The following EHD4 variants were observed in gnomAD, a reference collection of about 807,000 sequenced individuals.
The protein encoded by EHD4 is EH domain-containing protein 4.
Under a neutral mutation model 51.0 loss-of-function variants are expected in EHD4, and 37 were observed. The ratio of observed to expected loss-of-function variants is 0.73; its 90% CI spans 0.56 to 0.95. The LOEUF (loss-of-function observed/expected upper bound fraction) is 0.95. Ranked by LOEUF, EHD4 falls within the 40% of genes least tolerant of loss-of-function variation. EHD4 has a pLI of 0.00. For synonymous variants in EHD4, 297 were observed against 317.3 expected (o/e 0.94, Z 0.68); for missense variants, 632 against 733.1 (o/e 0.86, Z 1.59).
Position 41,938,079 on chromosome 15 carries a change from A to G in EHD4, c.511+4988T>C, listed in dbSNP as rs568255391. 3.3e-5 allele frequency among the ~76,000 whole-genome samples: 5 copies of G among 152,328 alleles called. No homozygotes were observed. The South Asian group carries it at 8.3e-4, about 25-fold the overall frequency. On this transcript the variant is annotated intron_variant, in intron 3 of 5. Transcript: ENST00000220325. ...TTAAAATAATTTTGTGCATGAAACAAAGTTTGGATCGTGCCCCGTCACATG... is the reference window on the plus strand; with the variant it reads ...TTAAAATAATTTTGTGCATGAAACAGAGTTTGGATCGTGCCCCGTCACATG...
intron 4 of EHD4, among the ~76,000 whole-genome samples, chr15:41,913,907 A>C (rs1229599051): frequency 6.6e-6 from 1 of 152,254 alleles, no homozygotes; most frequent in Non-Finnish European, 1.5e-5. Context: ...AAATGGATCA[A>C]AATGACAAAA....
intron 1 of EHD4, among the ~76,000 whole-genome samples, chr15:41,957,161 C>T (rs531886934): frequency 6.6e-6 from 1 of 152,080 alleles, no homozygotes; most frequent in Non-Finnish European, 1.5e-5. Flanking sequence ...GAAACCCCGT[C>T]TCTACAAAAC....
chr15:41,944,518 T>C (rs2067798294), intron 2 of EHD4, among the ~76,000 whole-genome samples: 2 of 152,204 alleles, frequency 1.3e-5, no homozygotes, highest in Admixed American at 6.5e-5. Context: ...GCCTCCACAG[T>C]GCACATGTGG....
rs372129261 is a variant in EHD4, at chr15:41,907,413, A to G, written c.1089+2286T>C. 5.9e-5 allele frequency among the ~76,000 whole-genome samples: 9 copies of G among 152,320 alleles called. 1 individual carries two copies. The South Asian group carries it at 1.9e-3, about 32-fold the overall frequency. ...AGGGAGACTGCTCCTGGAGGCCACA[A>G]CAGCCCTCCAATACCACCTGGTGAC... On this transcript the variant is annotated intron_variant, in intron 5 of 5. Coordinates refer to ENST00000220325, the MANE Select transcript of EHD4 (RefSeq NM_139265.4).
intron 3 of EHD4, among the ~76,000 whole-genome samples, chr15:41,932,282 G>A (rs1438003787): frequency 2.0e-5 from 3 of 152,328 alleles, no homozygotes; most frequent in East Asian, 1.9e-4. Flanking sequence ...AGCGAATCCC[G>A]CCAGGGCTCC....
intron 3 of EHD4, among the ~76,000 whole-genome samples, chr15:41,925,059 C>CA (rs10612546): frequency 1.4e-3 from 196 of 139,846 alleles, no homozygotes; most frequent in African/African-American, 4.2e-3. Flanking sequence ...GACTGTATCT[C>CA]AAAAAAAAAA....
At chr15:41,950,400 G>A (rs2067845185) in intron 2 of EHD4, among the ~76,000 whole-genome samples, 4 of 152,208 alleles carry the variant, frequency 2.6e-5, no homozygotes, top group Admixed American at 2.6e-4. Flanking sequence ...GTGGCTGCTT[G>A]GGAGAGAAAG....
chr15:41,909,341 G>A lies in EHD4; in HGVS notation c.1089+358C>T, dbSNP rs531860191. ...GAGGCAGGTCAGGGCAGGGCTGGAGGAGGCCGCCCAAGGTGACCCTGAAGG... is the reference window on the plus strand; with the variant it reads ...GAGGCAGGTCAGGGCAGGGCTGGAGAAGGCCGCCCAAGGTGACCCTGAAGG... On this transcript the variant is annotated intron_variant, in intron 5 of 5. Transcript: ENST00000220325. 9.1e-4 allele frequency among the ~76,000 whole-genome samples: 139 copies of A among 152,324 alleles called. 2 individuals carry two copies. Among genetic ancestry groups the A allele is most frequent in the Non-Finnish European group, 7.5e-4 (51 of 68,012 alleles).
intron 1 of EHD4, among the ~76,000 whole-genome samples, chr15:41,969,682 A>G (rs1460665408): frequency 6.6e-6 from 1 of 152,170 alleles, no homozygotes; most frequent in Non-Finnish European, 1.5e-5. Flanking sequence ...CAAGTTTTGG[A>G]CACAAGCCTG....
intron 1 of EHD4, 144 bp from the exon 2 acceptor site, chr15:41,954,084 T>C: frequency 1.1e-6 from 1 of 892,424 alleles, no homozygotes; most frequent in Non-Finnish European, 1.7e-6. Context: ...AATCCTCCTC[T>C]GCATTTCTGT....
At chr15:41,932,313 T>G (rs893755622) in intron 3 of EHD4, among the ~76,000 whole-genome samples, 3 of 152,178 alleles carry the variant, frequency 2.0e-5, no homozygotes, top group Non-Finnish European at 4.4e-5. Context: ...GCGGGTGAGC[T>G]GGGAGAAGCC....
At chr15:41,967,375 G>A (rs1336927038) in intron 1 of EHD4, among the ~76,000 whole-genome samples, 1 of 152,168 alleles carries the variant, frequency 6.6e-6, no homozygotes, top group Non-Finnish European at 1.5e-5. Context: ...GTGGCCTGTT[G>A]ACTCTCTTCT....
intron 4 of EHD4, among the ~76,000 whole-genome samples, chr15:41,915,806 A>G (rs946349465): frequency 6.6e-6 from 1 of 152,210 alleles, no homozygotes; most frequent in Non-Finnish European, 1.5e-5. Context: ...TCTTCCAAGA[A>G]GGATGTCTAC....
chr15:41,942,798 A>C, intron 3 of EHD4: 1 of 243,000 alleles, frequency 4.1e-6, no homozygotes, highest in Non-Finnish European at 7.7e-6. Context: ...AGGTCCCCTC[A>C]CACCTCGATA....
chr15:41,910,839 G>A (rs2140985047), intron 4 of EHD4, among the ~76,000 whole-genome samples: 1 of 152,306 alleles, frequency 6.6e-6, no homozygotes, highest in East Asian at 1.9e-4. Flanking sequence ...AAAGTGCTGG[G>A]ATTACAGGCA....
intron 1 of EHD4, among the ~76,000 whole-genome samples, chr15:41,962,416 C>G (rs2067929967): frequency 6.6e-6 from 1 of 151,654 alleles, no homozygotes; most frequent in Non-Finnish European, 1.5e-5. Flanking sequence ...AATTTACAAA[C>G]AGAATAACAC....
chr15:41,906,240 C>T (rs2067511260), intron 5 of EHD4, among the ~76,000 whole-genome samples: 2 of 152,206 alleles, frequency 1.3e-5, no homozygotes, highest in Admixed American at 6.5e-5. Flanking sequence ...ATTGTTTTTA[C>T]ACTGTTATGT....
chr15:41,910,483 G>C (rs2067542427), intron 4 of EHD4, among the ~76,000 whole-genome samples: 1 of 152,176 alleles, frequency 6.6e-6, no homozygotes, highest in Non-Finnish European at 1.5e-5. Flanking sequence ...TGTCATTGGA[G>C]GGGCGAGAAT....
At chr15:41,932,551 G>A (rs1265437814) in intron 3 of EHD4, among the ~76,000 whole-genome samples, 1 of 152,184 alleles carries the variant, frequency 6.6e-6, no homozygotes, top group Admixed American at 6.5e-5. Context: ...AAGATTACAG[G>A]TGAATGGAGG....
Sources: allele counts gnomAD v4.1 joint callset (sites outside exome capture counted in the v4.1 genomes callset), GRCh38; gene constraint gnomAD v4.1.1; transcripts MANE v1.5; gene names NCBI Gene and HGNC (gene_info 2026-07-23, HGNC 2026-07-21).